The following MYBBP1A variants were observed in gnomAD, a reference collection of about 807,000 sequenced individuals.
The protein encoded by MYBBP1A is MYB binding protein 1a, also known as myb-binding protein 1A.
In MYBBP1A, 147 loss-of-function variants were observed where a neutral mutation model predicts 136.3. That is an observed-to-expected ratio of 1.08 (90% CI 0.94 to 1.24). The LOEUF (loss-of-function observed/expected upper bound fraction) is 1.24, where lower values mean the gene tolerates loss of function less well. MYBBP1A is among the 50% of genes most tolerant of loss of function. The pLI, the probability that MYBBP1A is intolerant of heterozygous loss-of-function variation, is 0.00. For missense variants in MYBBP1A, 2,060 were observed against 1,727.4 expected (o/e 1.19, Z -3.41); for synonymous variants, 947 against 735.8 (o/e 1.29, Z -4.65).
intron 8 of MYBBP1A, 80 bp from the exon 9 acceptor site, chr17:4,550,433 C>T (rs1034716758): frequency 9.9e-5 from 148 of 1,499,008 alleles, no homozygotes; most frequent in Non-Finnish European, 1.2e-4. Flanking sequence ...AGGGGGCAGG[C>T]GGGCAACAGC....
At position 4,541,788 on chromosome 17, in the gene MYBBP1A, G is replaced by A. The variant is rs1906460572; in HGVS notation, c.3191C>T (p.Thr1064Ile). The A allele has an allele frequency of 1.2e-6, 2 of 1,613,718 alleles. No homozygotes were observed. The highest frequency in any genetic ancestry group is 1.7e-6 in the Non-Finnish European group (2 of 1,179,844). Residue 1064 changes from threonine (T) to isoleucine (I), a missense_variant, in exon 23 of 26, where the codon ACC becomes ATC. Coordinates refer to ENST00000254718, the MANE Select transcript of MYBBP1A (RefSeq NM_014520.4). Reference protein sequence around the residue: ...QLMGQVLAKVTENLRVLGEAQ... With the variant: ...QLMGQVLAKVIENLRVLGEAQ... ...AGGGCGCCCCCCGGCTGTTACCTCG[G>A]TGACCTTTGCTAGGACCTGGCCCAT...
chr17:4,543,194 A>C (rs1163931347), intron 19 of MYBBP1A, 29 bp from the exon 20 acceptor site: 1 of 1,577,256 alleles, frequency 6.3e-7, no homozygotes, highest in Non-Finnish European at 8.6e-7. Flanking sequence ...AGAGCTGGTC[A>C]GAACATTCTC....
At position 4,552,364 on chromosome 17, in the gene MYBBP1A, C is replaced by T. The variant is rs1318022352; in HGVS notation, c.738-72G>A. On this transcript the variant is annotated intron_variant, in intron 6 of 25. Transcript: ENST00000254718. The surrounding 1 kb of genome is among the most constrained non-coding windows in gnomAD (Gnocchi z 4.7). The stretch of plus-strand genomic sequence containing the variant: ...GCCAGGGTGACAAGAGCAGCCGGGA[C>T]ACCCCCAGGCCAAACGACAAATCTG... 4 of 1,603,944 alleles carry T rather than the reference C, an allele frequency of 2.5e-6. No individual in the cohort carries two copies. Among genetic ancestry groups the T allele is most frequent in the Non-Finnish European group, 3.4e-6 (4 of 1,175,590 alleles).
In MYBBP1A at chr17:4,552,083, G is replaced by A. The variant is rs756533650; in HGVS notation, c.905+42C>T. 1.0e-4 allele frequency: 168 copies of A among 1,601,846 alleles called. No individual in the cohort carries two copies. Among genetic ancestry groups the A allele is most frequent in the South Asian group, 9.8e-4 (87 of 89,146 alleles). On this transcript the variant is annotated intron_variant, in intron 7 of 25. Coordinates refer to ENST00000254718, the MANE Select transcript of MYBBP1A (RefSeq NM_014520.4). The surrounding 1 kb of genome is among the most constrained non-coding windows in gnomAD (Gnocchi z 4.7). ...GGACTAGTGGCCTAGCCCACTTCAC[G>A]GACAGGGAAGGGGGCCGAGAGAGGA...
At chr17:4,554,135 C>T (rs74605518) in intron 3 of MYBBP1A, 42 bp from the exon 4 acceptor site, 25,179 of 1,612,976 alleles carry the variant, frequency 0.016, 307 homozygotes, top group African/African-American at 0.047. Flanking sequence ...GGCCCTGGAA[C>T]TCCCCATTCC....
At chr17:4,543,215 G>A in intron 19 of MYBBP1A, 50 bp from the exon 20 acceptor site, 2 of 1,535,858 alleles carry the variant, frequency 1.3e-6, no homozygotes, top group Non-Finnish European at 1.7e-6. Flanking sequence ...GGTCCACCCT[G>A]CTCCGCCAAG....
At position 4,548,551 on chromosome 17, in the gene MYBBP1A, C is replaced by A. The variant is rs747210756; in HGVS notation, c.1529G>T (p.Arg510Leu). 6.2e-7 allele frequency: 1 copy of A among 1,614,164 alleles called. No homozygotes were observed. The highest frequency in any genetic ancestry group is 8.5e-7 in the Non-Finnish European group (1 of 1,180,044). ...GAAGAAGGCACTGCTGACAGCCTCT[C>A]GGGCCTGGTTTTCCAAAGGGAAGGA... ...PFSFPLENQA[R>L]EAVSSAFFSL... Residue 510 changes from arginine (R) to leucine (L), a missense_variant, in exon 11 of 26, where the codon CGA becomes CTA. Physicochemically the swap from Arg to Leu is moderately radical, Grantham distance 102. Transcript: ENST00000254718. This position sits in a 1 kb window ranked among gnomAD's most constrained non-coding sequence, Gnocchi z 4.2.
intron 25 of MYBBP1A, 146 bp from the exon 26 acceptor site, chr17:4,540,113 TGAGGGTCCTGC>T (rs1906232368): frequency 8.4e-7 from 1 of 1,186,326 alleles, no homozygotes; most frequent in East Asian, 2.4e-5. Flanking sequence ...GAGGGTCCTA[TGAGGGTCCTGC>T]GAGGCCCCTG....
At position 4,555,259 on chromosome 17, in the gene MYBBP1A, A is replaced by AGGCC; in HGVS notation, c.62_65dup (p.Asp24CysfsTer24). ...GCTTCAATAGGCCATAGCGGTCGGC[A>AGGCC]GGCCGGGCGCCACTCTGCGTCGCTT... is the stretch of plus-strand genomic sequence containing the variant. On this transcript the variant is annotated frameshift_variant, in exon 1 of 26. Coordinates refer to ENST00000254718, the MANE Select transcript of MYBBP1A (RefSeq NM_014520.4). LOFTEE classifies it high-confidence loss of function. The AGGCC allele has an allele frequency of 6.2e-7, 1 of 1,611,888 alleles. No homozygotes were observed. The highest frequency in any genetic ancestry group is 8.5e-7 in the Non-Finnish European group (1 of 1,179,562).
Position 4,539,138 on chromosome 17 carries a change from A to G in MYBBP1A, c.*277T>C. 1 of 1,482,596 alleles carries G rather than the reference A, an allele frequency of 6.7e-7. No homozygotes were observed. The highest frequency in any genetic ancestry group is 8.9e-7 in the Non-Finnish European group (1 of 1,125,084). 91.8% of individuals were successfully genotyped at this position (1,482,596 alleles called of 1,614,324 possible). A position where few individuals can be genotyped will look rare whatever the true frequency, so the allele number is the denominator to read the frequency against. On this transcript the variant is annotated 3_prime_UTR_variant, in exon 26 of 26. Coordinates refer to ENST00000254718, the MANE Select transcript of MYBBP1A (RefSeq NM_014520.4). ...GCAGCCAGCACATCAACCTGCACCA[A>G]CCCAGGCAAACACCAGAGCCCTGGA...
rs551209985 is a variant in MYBBP1A at position 4,548,236 on chromosome 17, T to C, written c.1631A>G (p.His544Arg). 5.6e-6 allele frequency: 9 copies of C among 1,611,528 alleles called. No individual in the cohort carries two copies. The highest frequency in any genetic ancestry group is 5.3e-5 in the African/African-American group (4 of 75,048). Reference protein sequence around the residue: ...QTQGGQPWTYHLVQFADLLLN... With the variant: ...QTQGGQPWTYRLVQFADLLLN... ...CAGGAGGTCTGCGAACTGCACCAGG[T>C]GGTAGGTCCAGGGCTGCCCACCCTG... Residue 544 changes from histidine (H) to arginine (R), a missense_variant, in exon 12 of 26, where the codon CAC becomes CGC. By Grantham distance (29) the His-to-Arg change is conservative. Coordinates refer to ENST00000254718, the MANE Select transcript of MYBBP1A (RefSeq NM_014520.4). The surrounding 1 kb of genome is among the most constrained non-coding windows in gnomAD (Gnocchi z 4.2).
At chr17:4,540,538 C>A (rs372147869) in intron 24 of MYBBP1A, 54 bp from the exon 25 acceptor site, 10 of 1,515,690 alleles carry the variant, frequency 6.6e-6, no homozygotes, top group African/African-American at 4.1e-5. Flanking sequence ...GGGCCTCTCG[C>A]GGGCTCCCAG....
At chr17:4,545,994 C>A (rs535740465) in intron 13 of MYBBP1A, 52 bp from the exon 14 acceptor site, 1 of 1,548,546 alleles carries the variant, frequency 6.5e-7, no homozygotes, top group Non-Finnish European at 8.8e-7. Context: ...CCCAGCCCTT[C>A]TAAACCAGGC....
In MYBBP1A at chr17:4,548,641, A is replaced by G; in HGVS notation, c.1439T>C (p.Leu480Ser). 6.2e-7 allele frequency: 1 copy of G among 1,614,186 alleles called. No homozygotes were observed. The highest frequency in any genetic ancestry group is 8.5e-7 in the Non-Finnish European group (1 of 1,180,032). Residue 480 changes from leucine to serine, a missense_variant, in exon 11 of 26, where the codon TTG (leucine) becomes TCG (serine). Coordinates refer to ENST00000254718, the MANE Select transcript of MYBBP1A (RefSeq NM_014520.4). The surrounding 1 kb of genome is among the most constrained non-coding windows in gnomAD (Gnocchi z 4.2). ...CTTTGTGACAAAGAACGAGTGGAAC[A>G]AACAAAACCTGGGGAGGGTGGGAGA... is the stretch of plus-strand genomic sequence containing the variant. ...ALTEQVARFC[L>S]FHSFFVTKKP...
At position 4,543,126 on chromosome 17, in the gene MYBBP1A, C is replaced by G. The variant is rs1906625365; in HGVS notation, c.2679G>C (p.Leu893Phe). ...CGTGCAGGGCCCCTGCGCGCTCACC[C>G]AAGTCGTGGCAGTAGCGCCGGGCAC... Reference protein sequence around the residue: ...LCRARRYCHDLGERAGALHAQ... With the variant: ...LCRARRYCHDFGERAGALHAQ... Residue 893 changes from leucine to phenylalanine, a missense_variant, in exon 20 of 26, where the codon TTG becomes TTC. Leu to Phe is a conservative substitution (Grantham distance 22). Transcript: ENST00000254718. 2 of 1,610,958 alleles carry G rather than the reference C, an allele frequency of 1.2e-6. No individual in the cohort carries two copies. Among genetic ancestry groups the G allele is most frequent in the African/African-American group, 1.3e-5 (1 of 74,898 alleles).
At position 4,543,075 on chromosome 17, in the gene MYBBP1A, C is replaced by T. The variant is rs780920888; in HGVS notation, c.2730G>A (p.Gln910=). ...TGGGGGAGTCGGGCTGGCGGCCAGC[C>T]TGCTGCACCAACCGCTCCACCTGGG... The part of the protein sequence containing the change: ...LHAQVERLVQ[Q]AGRQPDSPTA... Residue 910 remains glutamine (Q), a synonymous_variant, in exon 20 of 26, where the codon CAG becomes CAA. Coordinates refer to ENST00000254718, the MANE Select transcript of MYBBP1A (RefSeq NM_014520.4). The T allele has an allele frequency of 1.2e-6, 2 of 1,613,266 alleles. No homozygotes were observed. The highest frequency in any genetic ancestry group is 3.3e-5 in the Admixed American group (2 of 60,032).
chr17:4,544,039 C>A (rs1906720041), intron 19 of MYBBP1A, among the ~76,000 whole-genome samples: 1 of 152,182 alleles, frequency 6.6e-6, no homozygotes, highest in African/African-American at 2.4e-5. Flanking sequence ...GCTCTTCCTC[C>A]CTTTCTGCCC....
At position 4,543,019 on chromosome 17, in the gene MYBBP1A, TAG is replaced by T. The variant is rs765003839; in HGVS notation, c.2784_2785del (p.Tyr929ProfsTer11). 55 of 1,613,684 alleles carry T rather than the reference TAG, an allele frequency of 3.4e-5. No individual in the cohort carries two copies. Among genetic ancestry groups the T allele is most frequent in the Non-Finnish European group, 4.6e-5 (54 of 1,179,968 alleles). ...GTTGCCCTTCAAGACCCGGAGCAGG[TAG>T]AGAGAGGCGTTGAAGTGGTAGAGGG... On this transcript the variant is annotated frameshift_variant, in exon 20 of 26. Transcript: ENST00000254718. LOFTEE classifies it high-confidence loss of function.
rs1248850514 is a variant in MYBBP1A at position 4,545,016 on chromosome 17, C to G, written c.2310+10G>C. The G allele has an allele frequency of 1.3e-6, 2 of 1,515,308 alleles. No individual in the cohort carries two copies. Among genetic ancestry groups the G allele is most frequent in the Non-Finnish European group, 1.8e-6 (2 of 1,131,042 alleles). The allele number at this position is 1,515,308 out of a possible 1,614,324, so 93.9% of individuals were successfully genotyped here. The stretch of plus-strand genomic sequence containing the variant: ...CCCCGGCCGCCCCCCCCTCCACCTC[C>G]CCCACTCACCAGCGCCTTCCCAGCC... On this transcript the variant is annotated intron_variant, in intron 17 of 25. Coordinates refer to ENST00000254718, the MANE Select transcript of MYBBP1A (RefSeq NM_014520.4).
Sources: allele counts gnomAD v4.1 joint callset (sites outside exome capture counted in the v4.1 genomes callset), GRCh38; gene constraint gnomAD v4.1.1; non-coding constraint Gnocchi (gnomAD v3.1); transcripts MANE v1.5; gene names NCBI Gene and HGNC (gene_info 2026-07-23, HGNC 2026-07-21).